MAPKAP1: variants seen among roughly 807,000 people sequenced by gnomAD.
The protein encoded by MAPKAP1 is MAPK associated protein 1.
MAPKAP1 carries 20 observed loss-of-function variants against 65.7 expected under a neutral mutation model. The observed-to-expected ratio is 0.30, with a 90% CI of 0.21 to 0.44. The LOEUF is 0.44. Ranked by LOEUF, MAPKAP1 falls within the 20% of genes least tolerant of loss-of-function variation. MAPKAP1 has a pLI of 1.00. For synonymous variants in MAPKAP1, 222 were observed against 244.3 expected, an observed-to-expected ratio of 0.91 and a Z score of 0.85; for missense variants, 423 against 648.0, an observed-to-expected ratio of 0.65 and a Z score of 3.77.
At chr9:125,646,927 C>T (rs1214896884) in intron 4 of MAPKAP1, among the ~76,000 whole-genome samples, 1 of 152,166 alleles carries the variant, frequency 6.6e-6, no homozygotes, top group Non-Finnish European at 1.5e-5. Flanking sequence ...GTCGCTGCAC[C>T]ACAATTTGAT....
intron 4 of MAPKAP1, among the ~76,000 whole-genome samples, chr9:125,607,747 C>T (rs1228668606): frequency 6.6e-6 from 1 of 152,194 alleles, no homozygotes; most frequent in Non-Finnish European, 1.5e-5. Flanking sequence ...CCTCCGCCTC[C>T]CGGGTTCAAG....
intron 5 of MAPKAP1, among the ~76,000 whole-genome samples, chr9:125,581,035 C>T (rs1831609186): frequency 6.6e-6 from 1 of 152,156 alleles, no homozygotes; most frequent in African/African-American, 2.4e-5. Flanking sequence ...TGTATGAAAA[C>T]GGTTTGTTCC....
At chr9:125,448,341 T>C (rs890702302) in intron 10 of MAPKAP1, among the ~76,000 whole-genome samples, 6 of 152,368 alleles carry the variant, frequency 3.9e-5, no homozygotes, top group African/African-American at 1.2e-4. Context: ...TAACAATTCA[T>C]TGACCTCTTG....
chr9:125,456,566 C>T (rs1001621611), intron 10 of MAPKAP1, among the ~76,000 whole-genome samples: 8 of 152,172 alleles, frequency 5.3e-5, no homozygotes, highest in South Asian at 4.1e-4. Flanking sequence ...ATAGCAGAAG[C>T]GTTGGGATGT....
At chr9:125,619,747 A>C (rs1419764753) in intron 4 of MAPKAP1, among the ~76,000 whole-genome samples, 1 of 152,086 alleles carries the variant, frequency 6.6e-6, no homozygotes, top group Non-Finnish European at 1.5e-5. Flanking sequence ...CACATTGATT[A>C]ATTCAAAATC....
Position 125,542,198 on chromosome 9 carries a change from C to T in MAPKAP1, c.958+861G>A, listed in dbSNP as rs958716584. 2.0e-5 allele frequency among the ~76,000 whole-genome samples: 3 copies of T among 152,176 alleles called. No individual in the cohort carries two copies. The South Asian group carries it at 6.2e-4, about 31-fold the overall frequency. On this transcript the variant is annotated intron_variant, in intron 7 of 11. Coordinates refer to ENST00000265960, the MANE Select transcript of MAPKAP1 (RefSeq NM_001006617.3). ...ATCCGTGTCCTTCACTGTGTTATCTCTTCTAACTTTTATTAAAACTTCAGC... is the reference window on the plus strand; with the variant it reads ...ATCCGTGTCCTTCACTGTGTTATCTTTTCTAACTTTTATTAAAACTTCAGC...
chr9:125,452,319 G>A (rs973187268), intron 10 of MAPKAP1, among the ~76,000 whole-genome samples: 4 of 152,012 alleles, frequency 2.6e-5, no homozygotes, highest in African/African-American at 4.8e-5. Context: ...GGCTAGTCTC[G>A]AACTCCTGGC....
intron 3 of MAPKAP1, among the ~76,000 whole-genome samples, chr9:125,665,601 T>C (rs886648314): frequency 6.6e-6 from 1 of 151,156 alleles, no homozygotes; most frequent in Non-Finnish European, 1.5e-5. Flanking sequence ...TGCACCCAGA[T>C]GAAATAAACA....
chr9:125,644,532 C>G (rs1833671651), intron 4 of MAPKAP1, among the ~76,000 whole-genome samples: 1 of 152,168 alleles, frequency 6.6e-6, no homozygotes, highest in Admixed American at 6.5e-5. Context: ...CATCCTTTTC[C>G]ATAGAAAATG....
chr9:125,509,379 G>GT (rs1420396900), intron 7 of MAPKAP1, among the ~76,000 whole-genome samples: 1 of 152,112 alleles, frequency 6.6e-6, no homozygotes, highest in Non-Finnish European at 1.5e-5. Context: ...ATTAATAATT[G>GT]TTTTTATTTT....
chr9:125,469,699 A>G (rs541123101), intron 9 of MAPKAP1, among the ~76,000 whole-genome samples: 69 of 152,320 alleles, frequency 4.5e-4, no homozygotes, highest in African/African-American at 1.5e-3. Flanking sequence ...CAGGAACACC[A>G]TATTTCAATT....
At chr9:125,443,076 T>C (rs1852554596) in intron 11 of MAPKAP1, among the ~76,000 whole-genome samples, 1 of 152,226 alleles carries the variant, frequency 6.6e-6, no homozygotes. Flanking sequence ...CTTTATCTCA[T>C]GATCTCACAG....
chr9:125,490,730 T>C (rs1053594459), intron 8 of MAPKAP1, among the ~76,000 whole-genome samples: 4 of 152,224 alleles, frequency 2.6e-5, no homozygotes, highest in Admixed American at 1.3e-4. Flanking sequence ...ACCAAAGCAA[T>C]GTATTGCAGC....
chr9:125,512,381 C>G (rs894403842), intron 7 of MAPKAP1, among the ~76,000 whole-genome samples: 1 of 152,282 alleles, frequency 6.6e-6, no homozygotes, highest in Middle Eastern at 3.4e-3. Flanking sequence ...GAAAGTTTAA[C>G]ATAAATCTTG....
intron 4 of MAPKAP1, among the ~76,000 whole-genome samples, chr9:125,624,300 T>C (rs1645369350): frequency 1.2e-4 from 2 of 16,812 alleles, no homozygotes; most frequent in African/African-American, 2.4e-4. Context: ...GAGGAGCCCC[T>C]CTGCCCGGCC....
chr9:125,698,312 TATATATATATATATATATATATATAAA>T (rs1564622532), intron 1 of MAPKAP1, among the ~76,000 whole-genome samples: 2 of 46,480 alleles, frequency 4.3e-5, no homozygotes, highest in South Asian at 5.9e-4. Context: ...TATATATATA[TATATATATATATATATATATATATAAA>T]ATATATATAT....
chr9:125,481,407 G>T (rs1029579796), intron 9 of MAPKAP1, among the ~76,000 whole-genome samples: 1 of 152,126 alleles, frequency 6.6e-6, no homozygotes, highest in Non-Finnish European at 1.5e-5. Flanking sequence ...CTTGACCACA[G>T]TTGGGCTACT....
chr9:125,595,737 A>T lies in MAPKAP1; in HGVS notation c.499-10010T>A, dbSNP rs1832104732. ...CTCTTCATTGGAGGGTTGAGCTTTG[A>T]AACAACCAATGAGAGCAAGAGGAGC... On this transcript the variant is annotated intron_variant, in intron 4 of 11. Coordinates refer to ENST00000265960, the MANE Select transcript of MAPKAP1 (RefSeq NM_001006617.3). The surrounding 1 kb of genome is among the most constrained non-coding windows in gnomAD (Gnocchi z 4.0). The T allele has an allele frequency of 6.7e-7, 1 of 1,487,224 alleles. No homozygotes were observed. Among genetic ancestry groups the T allele is most frequent in the African/African-American group, 1.4e-5 (1 of 72,750 alleles). The allele number at this position is 1,487,224 out of a possible 1,614,324, so 92.1% of individuals were successfully genotyped here. A position where few individuals can be genotyped will look rare whatever the true frequency, so the allele number is the denominator to read the frequency against.
chr9:125,636,904 T>G (rs1008406268), intron 4 of MAPKAP1, among the ~76,000 whole-genome samples: 1 of 152,246 alleles, frequency 6.6e-6, no homozygotes, highest in African/African-American at 2.4e-5. Context: ...AAATCTCGTG[T>G]CTAGCTAAGA....
Sources: allele counts gnomAD v4.1 joint callset (sites outside exome capture counted in the v4.1 genomes callset), GRCh38; gene constraint gnomAD v4.1.1; non-coding constraint Gnocchi (gnomAD v3.1); transcripts MANE v1.5; gene names NCBI Gene and HGNC (gene_info 2026-07-23, HGNC 2026-07-21).